Variants in TIPARP observed in about 807,000 individuals in gnomAD.
TIPARP encodes TCDD inducible poly(ADP-ribose) polymerase.
Under a neutral mutation model 56.5 loss-of-function variants are expected in TIPARP, and 12 were observed. The ratio of observed to expected loss-of-function variants is 0.21; its 90% CI spans 0.14 to 0.34. The LOEUF (loss-of-function observed/expected upper bound fraction) is 0.34. Ranked by LOEUF, TIPARP falls within the 10% of genes least tolerant of loss-of-function variation. The pLI is 1.00. For missense variants in TIPARP, 604 were observed against 781.6 expected (o/e 0.77, Z 2.71); for synonymous variants, 296 against 265.7 (o/e 1.11, Z -1.11).
Position 156,678,099 on chromosome 3 carries a change from G to A in TIPARP, c.402G>A (p.Val134=). 1 of 1,614,066 alleles carries A rather than the reference G, an allele frequency of 6.2e-7. No individual in the cohort carries two copies. Among genetic ancestry groups the A allele is most frequent in the Non-Finnish European group, 8.5e-7 (1 of 1,180,032 alleles). ...CTTCCACTGAAGCTCCAGAACGAGT[G>A]GTTCCAATCCAAGATCACAGCTTTC... The part of the protein sequence containing the change: ...AHPSTEAPER[V]VPIQDHSFPS... The change falls in exon 2 of 6, where the codon GTG becomes GTA. Residue 134 remains valine, a synonymous_variant. Transcript: ENST00000295924.
At position 156,705,166 on chromosome 3, in the gene TIPARP, C is replaced by T. The variant is rs757482002; in HGVS notation, c.*35C>T. 16 of 1,219,966 alleles carry T rather than the reference C, an allele frequency of 1.3e-5. No individual in the cohort carries two copies. Among genetic ancestry groups the T allele is most frequent in the Middle Eastern group, 2.9e-4 (1 of 3,410 alleles). 75.6% of individuals were successfully genotyped at this position (1,219,966 alleles called of 1,614,324 possible). Reference sequence around the variant, plus strand: ...GTACTGCTAAATTATTTGATATGAACTCAATCCAGCATTTGTAGCAGGTTT... The same window carrying T: ...GTACTGCTAAATTATTTGATATGAATTCAATCCAGCATTTGTAGCAGGTTT... On this transcript the variant is annotated 3_prime_UTR_variant, in exon 6 of 6. Transcript: ENST00000295924.
At chr3:156,690,395 C>T (rs149338549) in intron 2 of TIPARP, among the ~76,000 whole-genome samples, 1 of 152,066 alleles carries the variant, frequency 6.6e-6, no homozygotes, top group Non-Finnish European at 1.5e-5. Flanking sequence ...TGTTGGTGCT[C>T]TATGCATTGG....
chr3:156,704,939 C>G lies in TIPARP; in HGVS notation c.1782C>G (p.Gly594=), dbSNP rs1425478395. The part of the protein sequence containing the change: ...HFMFLAKVLT[G]RYTMGSHGMR... The stretch of plus-strand genomic sequence containing the variant: ...TGTTTCTGGCCAAAGTGCTGACGGG[C>G]AGATACACAATGGGCAGTCATGGCA... Residue 594 remains glycine (G), a synonymous_variant, in exon 6 of 6, where the codon GGC becomes GGG. Coordinates refer to ENST00000295924, the MANE Select transcript of TIPARP (RefSeq NM_015508.5). The G allele has an allele frequency of 6.2e-7, 1 of 1,614,082 alleles. No homozygotes were observed. The highest frequency in any genetic ancestry group is 8.5e-7 in the Non-Finnish European group (1 of 1,180,042).
At chr3:156,702,074 T>TGGTGGTGGTGGTG (rs1559977218) in intron 4 of TIPARP, among the ~76,000 whole-genome samples, 4 of 62,608 alleles carry the variant, frequency 6.4e-5, no homozygotes, top group South Asian at 9.3e-4. Flanking sequence ...TGGTGGTGGT[T>TGGTGGTGGTGGTG]GTGGTGGTGG....
chr3:156,699,750 T>G (rs1206742554), intron 4 of TIPARP, among the ~76,000 whole-genome samples: 1 of 152,232 alleles, frequency 6.6e-6, no homozygotes, highest in African/African-American at 2.4e-5. Context: ...TTACTCTTTA[T>G]TTTCCTTTTT....
chr3:156,693,930 T>A, intron 2 of TIPARP, 90 bp from the exon 3 acceptor site: 4 of 1,386,044 alleles, frequency 2.9e-6, no homozygotes, highest in South Asian at 1.5e-5. Flanking sequence ...ATGCTATGTA[T>A]TTTTAATGTC....
Position 156,677,719 on chromosome 3 carries a change from C to A in TIPARP, c.22C>A (p.Pro8Thr), listed in dbSNP as rs778899104. The stretch of plus-strand genomic sequence containing the variant: ...CATTATGGAAATGGAAACCACCGAA[C>A]CTGAGCCAGACTGTGTAGTGCAGCC... Reference protein sequence around the residue: MEMETTEPEPDCVVQPPS... With the variant: MEMETTETEPDCVVQPPS... Residue 8 changes from proline to threonine, a missense_variant, in exon 2 of 6, where the codon CCT becomes ACT. Physicochemically the swap from Pro to Thr is conservative, Grantham distance 38. Transcript: ENST00000295924. 1 of 1,594,224 alleles carries A rather than the reference C, an allele frequency of 6.3e-7. No individual in the cohort carries two copies. The highest frequency in any genetic ancestry group is 8.5e-7 in the Non-Finnish European group (1 of 1,173,408).
At chr3:156,679,976 T>C (rs1015989225) in intron 2 of TIPARP, among the ~76,000 whole-genome samples, 1 of 152,180 alleles carries the variant, frequency 6.6e-6, no homozygotes, top group Non-Finnish European at 1.5e-5. Context: ...CATTCAGTAA[T>C]GGGTAAATGG....
chr3:156,697,481 A>G (rs905328880), intron 4 of TIPARP, among the ~76,000 whole-genome samples: 1 of 149,702 alleles, frequency 6.7e-6, no homozygotes, highest in Non-Finnish European at 1.5e-5. Context: ...TATAAAGATA[A>G]TATAAGCAGC....
intron 2 of TIPARP, among the ~76,000 whole-genome samples, chr3:156,685,417 T>C (rs2108489803): frequency 6.6e-6 from 1 of 152,350 alleles, no homozygotes; most frequent in East Asian, 1.9e-4. Context: ...TTTCACCTTC[T>C]ACAGAAACCA....
At chr3:156,695,009 C>T (rs2108494695) in intron 3 of TIPARP, among the ~76,000 whole-genome samples, 1 of 152,152 alleles carries the variant, frequency 6.6e-6, no homozygotes, top group South Asian at 2.1e-4. Flanking sequence ...TAGTATCTAC[C>T]TTCCAAAGAG....
At chr3:156,678,848 T>A (rs1331234018) in intron 2 of TIPARP, among the ~76,000 whole-genome samples, 1 of 152,354 alleles carries the variant, frequency 6.6e-6, no homozygotes, top group South Asian at 2.1e-4. Context: ...TCAACGTGCG[T>A]GTGACTGAGA....
intron 4 of TIPARP, among the ~76,000 whole-genome samples, chr3:156,697,698 G>A (rs988559536): frequency 6.6e-6 from 1 of 152,102 alleles, no homozygotes; most frequent in African/African-American, 2.4e-5. Context: ...GTATTCTTCG[G>A]ATATTTCAGG....
intron 2 of TIPARP, among the ~76,000 whole-genome samples, chr3:156,691,571 G>C (rs1577038472): frequency 6.6e-6 from 1 of 152,058 alleles, no homozygotes; most frequent in East Asian, 1.9e-4. Context: ...TCTGATAATA[G>C]GAAGCAATAG....
chr3:156,678,283 A>T lies in TIPARP; in HGVS notation c.586A>T (p.Ile196Phe). ...PGIFQENSFT[I>F]QYILDTSDKL... Reference sequence around the variant, plus strand: ...CATTTTCCAAGAAAACAGTTTTACAATCCAATACATTCTGGACACCAGTGA... The same window carrying T: ...CATTTTCCAAGAAAACAGTTTTACATTCCAATACATTCTGGACACCAGTGA... Residue 196 changes from isoleucine (I) to phenylalanine (F), a missense_variant, in exon 2 of 6, where the codon ATC becomes TTC. This residue lies in a region of TIPARP where 261 missense variants were observed against 279.2 expected (regional missense o/e 0.93). Transcript: ENST00000295924. 6.2e-7 allele frequency: 1 copy of T among 1,614,190 alleles called. No individual in the cohort carries two copies. The highest frequency in any genetic ancestry group is 8.5e-7 in the Non-Finnish European group (1 of 1,180,038).
intron 2 of TIPARP, among the ~76,000 whole-genome samples, chr3:156,693,647 C>T (rs1722634530): frequency 1.3e-5 from 2 of 152,138 alleles, no homozygotes; most frequent in African/African-American, 4.8e-5. Flanking sequence ...GAGAAATTTT[C>T]TGTCTATGTT....
rs776070977 is a variant in TIPARP at position 156,678,184 on chromosome 3, C to G, written c.487C>G (p.Leu163Val). ...CACACCAGCTCACTTCCAGACTGAT[C>G]TTTTGCACCCAGTTTCAAGTGATGT... ...DSTPAHFQTD[L>V]LHPVSSDVPT... Residue 163 changes from leucine to valine, a missense_variant, in exon 2 of 6, where the codon CTT becomes GTT. By Grantham distance (32) the Leu-to-Val change is conservative. Transcript: ENST00000295924. The G allele has an allele frequency of 3.1e-6, 5 of 1,614,012 alleles. No individual in the cohort carries two copies. In the African/African-American group the frequency reaches 6.7e-5, roughly 22 times the overall value.
chr3:156,694,436 A>T (rs1241338336), intron 3 of TIPARP, among the ~76,000 whole-genome samples: 1 of 152,196 alleles, frequency 6.6e-6, no homozygotes, highest in Non-Finnish European at 1.5e-5. Context: ...AATGCTTTCC[A>T]CAGAATCTTG....
chr3:156,676,463 C>A (rs1237467960), intron 1 of TIPARP, among the ~76,000 whole-genome samples: 1 of 152,192 alleles, frequency 6.6e-6, no homozygotes, highest in Non-Finnish European at 1.5e-5. Flanking sequence ...GACCCACAAA[C>A]AACAAAGAAC....
Sources: allele counts gnomAD v4.1 joint callset (sites outside exome capture counted in the v4.1 genomes callset), GRCh38; gene constraint gnomAD v4.1.1; regional missense constraint gnomAD v4.1.1; transcripts MANE v1.5; gene names NCBI Gene and HGNC (gene_info 2026-07-23, HGNC 2026-07-21).